The following BARD1 variants were observed in gnomAD, a reference collection of about 807,000 sequenced individuals.
BARD1 encodes BRCA1 associated RING domain 1.
A neutral mutation model predicts 77.0 loss-of-function variants in BARD1; 73 were observed. The observed-to-expected ratio is 0.95, with a 90% CI of 0.79 to 1.15. The LOEUF is 1.15. Ranked by LOEUF, BARD1 falls within the 50% of genes most tolerant of loss-of-function variation. The pLI is 0.00. For missense variants in BARD1, 993 were observed against 938.8 expected (o/e 1.06, Z -0.75); for synonymous variants, 384 against 338.0 (o/e 1.14, Z -1.49).
intron 1 of BARD1, among the ~76,000 whole-genome samples, chr2:214,798,470 C>CT (rs527715018): frequency 4.9e-4 from 74 of 152,230 alleles, no homozygotes; most frequent in African/African-American, 1.7e-3. Context: ...GTACTGAATT[C>CT]TATTTCGTGG....
chr2:214,781,603 G>A (rs759915249), intron 3 of BARD1, 94 bp from the exon 4 acceptor site: 82 of 937,582 alleles, frequency 8.7e-5, no homozygotes, highest in Admixed American at 1.9e-4. Context: ...CCCCTAAAGT[G>A]TATCATCTTT....
Position 214,760,354 on chromosome 2 carries a change from G to C in BARD1, c.1568+7128C>G, listed in dbSNP as rs180912785. On this transcript the variant is annotated intron_variant, in intron 6 of 10. Coordinates refer to ENST00000260947, the MANE Select transcript of BARD1 (RefSeq NM_000465.4). ...ACTACAGGCACACGCCGCCACACCCGGCTAATTTTTGTATTTTTAGTAGAG... is the reference window on the plus strand; with the variant it reads ...ACTACAGGCACACGCCGCCACACCCCGCTAATTTTTGTATTTTTAGTAGAG... Among the ~76,000 whole-genome samples, 6 of 152,004 alleles carry C rather than the reference G, an allele frequency of 3.9e-5. No individual in the cohort carries two copies. The East Asian group carries it at 9.7e-4, about 25-fold the overall frequency.
At chr2:214,792,160 A>AC in intron 3 of BARD1, 137 bp downstream of exon 3, 2 of 951,464 alleles carry the variant, frequency 2.1e-6, no homozygotes. Context: ...TAAAAAAAAA[A>AC]AAAAAAAACC....
In BARD1 at chr2:214,761,249, G is replaced by A. The variant is rs1693950000; in HGVS notation, c.1568+6233C>T. ...GGCAGGGGGCAGGATATTTCCAGAA[G>A]ACATTCTATTCATGTTCCAGAGAAG... On this transcript the variant is annotated intron_variant, in intron 6 of 10. Coordinates refer to ENST00000260947, the MANE Select transcript of BARD1 (RefSeq NM_000465.4). Among the ~76,000 whole-genome samples the A allele has an allele frequency of 2.0e-5, 3 of 147,302 alleles. No individual in the cohort carries two copies. In the South Asian group the frequency reaches 6.4e-4, roughly 32 times the overall value.
At position 214,780,666 on chromosome 2, in the gene BARD1, C is replaced by T. The variant is rs1553622181; in HGVS notation, c.1208G>A (p.Ser403Asn). Residue 403 changes from serine to asparagine, a missense_variant, in exon 4 of 11, where the codon AGT becomes AAT. Transcript: ENST00000260947. ...GTPPSTLSSS[S>N]YRRVMSSPSA... Reference sequence around the variant, plus strand: ...GGGACTAGACATCACTCGCCTGTAACTTGAACTACTTAATGTAGAAGGTGG... The same window carrying T: ...GGGACTAGACATCACTCGCCTGTAATTTGAACTACTTAATGTAGAAGGTGG... The T allele has an allele frequency of 1.2e-6, 2 of 1,614,066 alleles. No individual in the cohort carries two copies. Among genetic ancestry groups the T allele is most frequent in the South Asian group, 2.2e-5 (2 of 91,080 alleles).
chr2:214,787,351 TG>T (rs932166176), intron 3 of BARD1, among the ~76,000 whole-genome samples: 4 of 151,958 alleles, frequency 2.6e-5, no homozygotes, highest in African/African-American at 9.7e-5. Flanking sequence ...ACTATTCATC[TG>T]GTAATAATAA....
chr2:214,759,849 A>C (rs1285833934), intron 6 of BARD1, among the ~76,000 whole-genome samples: 1 of 152,198 alleles, frequency 6.6e-6, no homozygotes, highest in Non-Finnish European at 1.5e-5. Context: ...ATGGCAAATA[A>C]AGAGTATCAT....
At position 214,778,088 on chromosome 2, in the gene BARD1, C is replaced by T. The variant is rs187325320; in HGVS notation, c.1314+2472G>A. On this transcript the variant is annotated intron_variant, in intron 4 of 10. Coordinates refer to ENST00000260947, the MANE Select transcript of BARD1 (RefSeq NM_000465.4). ...GCAGGTGCCTGTAATCCCAGCTACTCGGGAAGCTGAAGCAGAAGGATTGCT... is the reference window on the plus strand; with the variant it reads ...GCAGGTGCCTGTAATCCCAGCTACTTGGGAAGCTGAAGCAGAAGGATTGCT... Among the ~76,000 whole-genome samples the T allele has an allele frequency of 1.5e-3, 227 of 152,082 alleles. 1 individual carries two copies. Among genetic ancestry groups the T allele is most frequent in the African/African-American group, 5.3e-3 (218 of 41,498 alleles).
intron 3 of BARD1, among the ~76,000 whole-genome samples, chr2:214,790,503 GTTCTGTCTCACAGA>G (rs1695465996): frequency 6.6e-6 from 1 of 152,104 alleles, no homozygotes; most frequent in Non-Finnish European, 1.5e-5. Flanking sequence ...CCTAAAACAG[GTTCTGTCTCACAGA>G]CCTCAACAAA....
At chr2:214,781,626 T>C in intron 3 of BARD1, 117 bp from the exon 4 acceptor site, 1 of 762,190 alleles carries the variant, frequency 1.3e-6, no homozygotes, top group Non-Finnish European at 2.1e-6. Flanking sequence ...ATTATGTACT[T>C]CTTTCTCAGC....
At chr2:214,803,975 T>C (rs747163852) in intron 1 of BARD1, among the ~76,000 whole-genome samples, 1 of 152,286 alleles carries the variant, frequency 6.6e-6, no homozygotes, top group East Asian at 1.9e-4. Flanking sequence ...CCATCTGAGA[T>C]GATAATACCA....
intron 1 of BARD1, among the ~76,000 whole-genome samples, chr2:214,797,494 C>T (rs990589253): frequency 6.6e-6 from 1 of 152,136 alleles, no homozygotes; most frequent in African/African-American, 2.4e-5. Flanking sequence ...AGACCATATA[C>T]CTCAAAATGT....
intron 9 of BARD1, 114 bp downstream of exon 9, chr2:214,744,953 G>A: frequency 1.0e-6 from 1 of 980,912 alleles, no homozygotes; most frequent in South Asian, 1.4e-5. Flanking sequence ...AAAATGCAGT[G>A]ACTAACCAGA....
chr2:214,751,130 TATATATATATATATATATA>T (rs1693406984), intron 7 of BARD1, among the ~76,000 whole-genome samples: 2 of 10,968 alleles, frequency 1.8e-4, no homozygotes, highest in Non-Finnish European at 6.3e-4. Flanking sequence ...TATATATATA[TATATATATATATATATATA>T]TATTTTTTTT....
chr2:214,801,849 CG>C (rs11457040), intron 1 of BARD1, among the ~76,000 whole-genome samples: 12,420 of 113,762 alleles, frequency 0.11, 1,115 homozygotes, highest in African/African-American at 0.24. Flanking sequence ...AAATATTTGG[CG>C]GGGGGGGGGG....
intron 6 of BARD1, among the ~76,000 whole-genome samples, chr2:214,757,726 G>A (rs966395902): frequency 1.3e-5 from 2 of 152,058 alleles, no homozygotes; most frequent in African/African-American, 2.4e-5. Flanking sequence ...AACAACTTTT[G>A]GCACTATAGA....
chr2:214,766,478 A>C (rs1378884956), intron 6 of BARD1, among the ~76,000 whole-genome samples: 2 of 152,240 alleles, frequency 1.3e-5, no homozygotes, highest in East Asian at 3.8e-4. Flanking sequence ...AATCTACAGA[A>C]TATAAACACT....
chr2:214,773,263 A>G (rs551329658), intron 4 of BARD1, among the ~76,000 whole-genome samples: 1 of 152,212 alleles, frequency 6.6e-6, no homozygotes, highest in Non-Finnish European at 1.5e-5. Context: ...TCATAAAAAC[A>G]ATACAGAACG....
At chr2:214,762,503 C>A (rs114774640) in intron 6 of BARD1, among the ~76,000 whole-genome samples, 2,248 of 152,222 alleles carry the variant, frequency 0.015, 13 homozygotes, top group Middle Eastern at 0.031. Context: ...TGGAGACATG[C>A]AGCTTGGTCC....
Sources: gnomAD v4.1 joint callset for allele counts (sites outside exome capture counted in the v4.1 genomes callset) on GRCh38, gnomAD v4.1.1 for gene constraint, MANE v1.5 for transcripts, NCBI Gene and HGNC (gene_info 2026-07-23, HGNC 2026-07-21) for gene names.